TNC: variants seen among roughly 807,000 people sequenced by gnomAD.
TNC encodes tenascin C.
Under a neutral mutation model 202.4 loss-of-function variants are expected in TNC, and 109 were observed. That is an observed-to-expected ratio of 0.54 (90% confidence interval 0.46 to 0.63). The LOEUF is 0.63. TNC is among the 30% of genes least tolerant of loss of function. The probability of loss-of-function intolerance (pLI) is 0.00; values close to 1 mark genes in which losing one functional copy is unlikely to be tolerated. For missense variants in TNC, 2,756 were observed against 2,833.3 expected (o/e 0.97, Z 0.62); for synonymous variants, 1,007 against 1,089.7 (o/e 0.92, Z 1.50).
At chr9:115,045,841 G>T (rs11793430) in intron 17 of TNC, among the ~76,000 whole-genome samples, 1 of 151,822 alleles carries the variant, frequency 6.6e-6, no homozygotes, top group Non-Finnish European at 1.5e-5. Context: ...AATCTTGCCA[G>T]CTCTCTCCTT....
intron 1 of TNC, among the ~76,000 whole-genome samples, chr9:115,103,779 C>T (rs1441569313): frequency 6.6e-6 from 1 of 152,180 alleles, no homozygotes; most frequent in East Asian, 1.9e-4. Context: ...TGTTTCTTTC[C>T]ATAGTTTGGC....
Position 115,063,838 on chromosome 9 carries a change from G to C in TNC, c.3718C>G (p.Gln1240Glu), listed in dbSNP as rs1157652020. Residue 1240 changes from glutamine to glutamate, a missense_variant, in exon 12 of 28, where the codon CAG becomes GAG. Gln to Glu is a conservative substitution (Grantham distance 29, BLOSUM62 2). This residue lies in a region of TNC where 2,559 missense variants were observed against 2,546.0 expected (regional missense o/e 1.01). Transcript: ENST00000350763. ...HYTITIRGVT[Q>E]DFSTTPLSVE... is the part of the protein sequence containing the mutation. ...GAGAGAGGGGTTGTGCTGAAGTCCT[G>C]AGTGACCCCGCGGATGGTGATGGTA... The C allele has an allele frequency of 1.2e-6, 2 of 1,614,170 alleles. No individual in the cohort carries two copies. Among genetic ancestry groups the C allele is most frequent in the Non-Finnish European group, 8.5e-7 (1 of 1,180,008 alleles).
rs771642486 is a variant in TNC, at chr9:115,048,474, T to C, written c.4638A>G (p.Thr1546=). 8.7e-6 allele frequency: 14 copies of C among 1,613,816 alleles called. No individual in the cohort carries two copies. The highest frequency in any genetic ancestry group is 1.6e-4 in the Middle Eastern group (1 of 6,082). The change falls in exon 16 of 28, where the codon ACA becomes ACG. Residue 1546 remains threonine (T), a synonymous_variant. Coordinates refer to ENST00000350763, the MANE Select transcript of TNC (RefSeq NM_002160.4). ...TISDINPYGF[T]VSWMASENAF... ...CATTCTCCGATGCCATCCAGGAAAC[T>C]GTGAACCCGTAGGGATTAATGTCGG...
intron 1 of TNC, among the ~76,000 whole-genome samples, chr9:115,099,934 G>C (rs545393300): frequency 1.3e-5 from 2 of 152,180 alleles, no homozygotes; most frequent in African/African-American, 4.8e-5. Flanking sequence ...GGAAAATGAG[G>C]AGGCTGTGGC....
rs1367784760 is a variant in TNC at position 115,048,300 on chromosome 9, T to C, written c.4812A>G (p.Gln1604=). The change falls in exon 16 of 28, where the codon CAA becomes CAG. Residue 1604 remains glutamine, a synonymous_variant. Transcript: ENST00000350763. The part of the protein sequence containing the change: ...GYEVMVSGFT[Q]GHQTKPLRAE... ...CCCTCAAGGGCTTGGTTTGATGCCCTTGGGTGAAGCCAGAGACCATAACCT... is the reference window on the plus strand; with the variant it reads ...CCCTCAAGGGCTTGGTTTGATGCCCCTGGGTGAAGCCAGAGACCATAACCT... The C allele has an allele frequency of 8.1e-6, 13 of 1,614,058 alleles. No homozygotes were observed. Among genetic ancestry groups the C allele is most frequent in the Admixed American group, 5.0e-5 (3 of 60,018 alleles).
intron 10 of TNC, among the ~76,000 whole-genome samples, chr9:115,072,725 C>A (rs1161510695): frequency 6.6e-6 from 1 of 152,150 alleles, no homozygotes; most frequent in Non-Finnish European, 1.5e-5. Context: ...CCTCAAATAT[C>A]AGTACGGTAC....
intron 16 of TNC, among the ~76,000 whole-genome samples, chr9:115,048,047 AT>A (rs1259985612): frequency 6.6e-6 from 1 of 152,184 alleles, no homozygotes; most frequent in Admixed American, 6.5e-5. Flanking sequence ...AAGCAGAAAT[AT>A]TTCGACCTTC....
At position 115,078,157 on chromosome 9, in the gene TNC, C is replaced by G. The variant is rs1286967332; in HGVS notation, c.2460G>C (p.Leu820Phe). Residue 820 changes from leucine (L) to phenylalanine (F), a missense_variant, in exon 7 of 28, where the codon TTG (leucine) becomes TTC (phenylalanine). Transcript: ENST00000350763. ...EVKDVTDTTA[L>F]ITWFKPLAEI... ...CAGCCAGGGGCTTGAACCAGGTGATCAAGGCAGTGGTGTCTGTGACATCTT... is the reference window on the plus strand; with the variant it reads ...CAGCCAGGGGCTTGAACCAGGTGATGAAGGCAGTGGTGTCTGTGACATCTT... 1 of 1,613,898 alleles carries G rather than the reference C, an allele frequency of 6.2e-7. No homozygotes were observed.
chr9:115,031,708 A>C lies in TNC; in HGVS notation c.5788-23T>G, dbSNP rs751460437. 1.9e-6 allele frequency: 3 copies of C among 1,601,664 alleles called. No homozygotes were observed. In the Admixed American group the frequency reaches 5.3e-5, roughly 29 times the overall value. ...TTCCTAAGAGCAGAAGAAAAAGTAT[A>C]ATGGCTTTTGGTCACAGAAATTCTC... is the stretch of plus-strand genomic sequence containing the variant. On this transcript the variant is annotated intron_variant, in intron 22 of 27. Coordinates refer to ENST00000350763, the MANE Select transcript of TNC (RefSeq NM_002160.4).
At chr9:115,026,093 C>A (rs1829456070) in intron 26 of TNC, among the ~76,000 whole-genome samples, 1 of 152,206 alleles carries the variant, frequency 6.6e-6, no homozygotes. Flanking sequence ...GGAGAAGATG[C>A]AGAATCTCAG....
intron 1 of TNC, among the ~76,000 whole-genome samples, chr9:115,114,693 C>T (rs1242543292): frequency 6.6e-6 from 1 of 152,198 alleles, no homozygotes; most frequent in Admixed American, 6.5e-5. Flanking sequence ...TTGGTCAGCA[C>T]AGCCTGACTT....
intron 1 of TNC, among the ~76,000 whole-genome samples, chr9:115,094,814 CCTCTGTGTGTGTGT>C (rs1485704771): frequency 0.023 from 1,562 of 66,742 alleles, 28 homozygotes; most frequent in African/African-American, 0.077. Context: ...AGAACAAGTG[CCTCTGTGTGTGTGT>C]GTGTGTGTGT....
chr9:115,024,491 T>C (rs1291452224), intron 26 of TNC, among the ~76,000 whole-genome samples: 1 of 152,196 alleles, frequency 6.6e-6, no homozygotes. Flanking sequence ...TGATTCTATA[T>C]ACTGAGTAGT....
intron 4 of TNC, 122 bp from the exon 5 acceptor site, chr9:115,082,929 G>C: frequency 1.5e-6 from 1 of 658,984 alleles, no homozygotes; most frequent in Non-Finnish European, 2.7e-6. Context: ...AACCAGAGCA[G>C]GTGTCCTTTT....
At position 115,046,702 on chromosome 9, in the gene TNC, T is replaced by C. The variant is rs762574681; in HGVS notation, c.4853-20A>G. ...CGGCTTCTAGAGGGAGAGAAAATGG[T>C]GGGAGAAGGAGGAAAGACAACATCA... is the stretch of plus-strand genomic sequence containing the variant. On this transcript the variant is annotated intron_variant, in intron 16 of 27. Transcript: ENST00000350763. 2 of 1,610,310 alleles carry C rather than the reference T, an allele frequency of 1.2e-6. No homozygotes were observed. The highest frequency in any genetic ancestry group is 1.7e-6 in the Non-Finnish European group (2 of 1,178,588).
At chr9:115,039,730 A>C (rs1410049360) in intron 19 of TNC, among the ~76,000 whole-genome samples, 1 of 152,082 alleles carries the variant, frequency 6.6e-6, no homozygotes, top group Non-Finnish European at 1.5e-5. Context: ...CACATTGTCC[A>C]CTCTGAGTTC....
At chr9:115,037,204 A>C (rs1487459215) in intron 20 of TNC, among the ~76,000 whole-genome samples, 1 of 152,168 alleles carries the variant, frequency 6.6e-6, no homozygotes, top group Non-Finnish European at 1.5e-5. Context: ...ACTGAATGAA[A>C]ATTTTCAGAG....
At chr9:115,115,536 C>T (rs1837399180) in intron 1 of TNC, among the ~76,000 whole-genome samples, 1 of 152,212 alleles carries the variant, frequency 6.6e-6, no homozygotes, top group African/African-American at 2.4e-5. Flanking sequence ...CAAAAGCCTA[C>T]AGTTTAGAGA....
chr9:115,107,962 G>A (rs1305606172), intron 1 of TNC, among the ~76,000 whole-genome samples: 1 of 152,176 alleles, frequency 6.6e-6, no homozygotes, highest in African/African-American at 2.4e-5. Flanking sequence ...TTAAGCCAAG[G>A]TGTACTGTTT....
Sources: allele counts gnomAD v4.1 joint callset (sites outside exome capture counted in the v4.1 genomes callset), GRCh38; gene constraint gnomAD v4.1.1; regional missense constraint gnomAD v4.1.1; transcripts MANE v1.5; gene names NCBI Gene and HGNC (gene_info 2026-07-23, HGNC 2026-07-21).